UNC5D: variants seen among roughly 807,000 people sequenced by gnomAD.
UNC5D encodes netrin receptor UNC5D.
In UNC5D, 39 loss-of-function variants were observed where a neutral mutation model predicts 105.4. That is an observed-to-expected ratio of 0.37 (90% CI 0.29 to 0.48). The LOEUF is 0.48. Among genes scored for constraint, UNC5D ranks in the 20% least tolerant of loss-of-function variants. UNC5D has a pLI of 0.98. For synonymous variants in UNC5D, 452 were observed against 450.4 expected (o/e 1.00, Z -0.04); for missense variants, 991 against 1,202.4 (o/e 0.82, Z 2.60).
chr8:35,356,084 A>G (rs1288905333), intron 1 of UNC5D, among the ~76,000 whole-genome samples: 1 of 152,090 alleles, frequency 6.6e-6, no homozygotes, highest in East Asian at 1.9e-4. Context: ...ACGCCCGGTT[A>G]TCTTTTCTTT....
At chr8:35,704,112 C>T (rs371815674) in intron 7 of UNC5D, among the ~76,000 whole-genome samples, 11 of 152,084 alleles carry the variant, frequency 7.2e-5, no homozygotes, top group African/African-American at 2.7e-4. Flanking sequence ...AAATTATTAT[C>T]TTTTATAAGG....
At position 35,263,107 on chromosome 8, in the gene UNC5D, CAT is replaced by C. The variant is rs540301315; in HGVS notation, c.103+27223_103+27224del. Among the ~76,000 whole-genome samples the C allele has an allele frequency of 2.2e-4, 33 of 152,260 alleles. 1 individual carries two copies. The South Asian group carries it at 6.8e-3, about 32-fold the overall frequency. Reference sequence around the variant, plus strand: ...AACTTTTCATAGCTCTGCACCTTCACATATTCTTTTTTAAGAGACAAAGTTGC... The same window carrying C: ...AACTTTTCATAGCTCTGCACCTTCACATTCTTTTTTAAGAGACAAAGTTGC... On this transcript the variant is annotated intron_variant, in intron 1 of 16. Coordinates refer to ENST00000404895, the MANE Select transcript of UNC5D (RefSeq NM_080872.4).
At chr8:35,739,076 G>C (rs1432043183) in intron 11 of UNC5D, among the ~76,000 whole-genome samples, 2 of 152,162 alleles carry the variant, frequency 1.3e-5, no homozygotes, top group Admixed American at 6.5e-5. Context: ...ATGCAAGGGG[G>C]AGTAAATTGC....
chr8:35,705,183 C>G (rs1438529768), intron 7 of UNC5D, among the ~76,000 whole-genome samples: 1 of 152,110 alleles, frequency 6.6e-6, no homozygotes, highest in Non-Finnish European at 1.5e-5. Context: ...CCAGGATGGT[C>G]TCGATCTCCT....
At chr8:35,283,019 T>C (rs1806306165) in intron 1 of UNC5D, among the ~76,000 whole-genome samples, 2 of 152,200 alleles carry the variant, frequency 1.3e-5, no homozygotes, top group Admixed American at 6.5e-5. Flanking sequence ...TGGCTAAAAG[T>C]AATAATACCG....
In UNC5D at chr8:35,525,489, C is replaced by T. The variant is rs373836784; in HGVS notation, c.104-23803C>T. The T allele has an allele frequency of 1.4e-5, 22 of 1,612,172 alleles. No individual in the cohort carries two copies. The Admixed American group carries it at 3.5e-4, about 26-fold the overall frequency. On this transcript the variant is annotated intron_variant, in intron 1 of 16. Transcript: ENST00000404895. The stretch of plus-strand genomic sequence containing the variant: ...GCTCAGCTTCTCCTCCTTCTCTGTC[C>T]GTGCTTTGCTGGCAAGCTTACTAAC...
intron 1 of UNC5D, among the ~76,000 whole-genome samples, chr8:35,361,744 T>G (rs144893623): frequency 5.3e-4 from 80 of 152,288 alleles, no homozygotes; most frequent in African/African-American, 1.9e-3. Context: ...TCCACCATTT[T>G]CAATAGTGTG....
intron 1 of UNC5D, among the ~76,000 whole-genome samples, chr8:35,527,218 G>A (rs748320244): frequency 4.6e-5 from 7 of 151,826 alleles, no homozygotes; most frequent in Non-Finnish European, 1.0e-4. Flanking sequence ...TCTGGCCAGT[G>A]CTGTATACAG....
chr8:35,296,273 C>A (rs1019258798), intron 1 of UNC5D, among the ~76,000 whole-genome samples: 1 of 152,206 alleles, frequency 6.6e-6, no homozygotes, highest in Admixed American at 6.5e-5. Context: ...CACATTCCCA[C>A]CAACAGTGTA....
chr8:35,598,448 G>A (rs1286261091), intron 4 of UNC5D, among the ~76,000 whole-genome samples: 1 of 152,152 alleles, frequency 6.6e-6, no homozygotes, highest in Non-Finnish European at 1.5e-5. Context: ...CACTGTTGGT[G>A]GGAATGGAAA....
At chr8:35,653,634 T>G (rs890084174) in intron 4 of UNC5D, among the ~76,000 whole-genome samples, 4 of 152,250 alleles carry the variant, frequency 2.6e-5, no homozygotes, top group African/African-American at 4.8e-5. Context: ...TTGATATTTA[T>G]GTGTCAGTTC....
intron 1 of UNC5D, among the ~76,000 whole-genome samples, chr8:35,370,136 T>A (rs1446951880): frequency 6.6e-6 from 1 of 152,180 alleles, no homozygotes; most frequent in Non-Finnish European, 1.5e-5. Context: ...GTATCTGTGG[T>A]CTTTCAAACT....
intron 1 of UNC5D, among the ~76,000 whole-genome samples, chr8:35,492,616 A>G (rs182241823): frequency 5.9e-5 from 9 of 152,286 alleles, no homozygotes; most frequent in Admixed American, 2.6e-4. Context: ...TATTAAAGTA[A>G]ATATAAGCAC....
intron 1 of UNC5D, among the ~76,000 whole-genome samples, chr8:35,526,878 A>G (rs1180981503): frequency 6.6e-6 from 1 of 151,912 alleles, no homozygotes; most frequent in Non-Finnish European, 1.5e-5. Context: ...CTGTGACTCC[A>G]TCTTCTGCAG....
At chr8:35,512,535 G>GCA (rs1554547740) in intron 1 of UNC5D, among the ~76,000 whole-genome samples, 10 of 33,444 alleles carry the variant, frequency 3.0e-4, no homozygotes, top group African/African-American at 2.2e-4. Context: ...ATTCAGATAT[G>GCA]TATGTATATA....
chr8:35,796,074 T>C lies in UNC5D; in HGVS notation c.*5511T>C, dbSNP rs2131834887. On this transcript the variant is annotated 3_prime_UTR_variant, in exon 17 of 17. Coordinates refer to ENST00000404895, the MANE Select transcript of UNC5D (RefSeq NM_080872.4). ...TCAAGTGATTCACATCTCAAACCCATACCACTCTCAACTTTTATTTGATGT... is the reference window on the plus strand; with the variant it reads ...TCAAGTGATTCACATCTCAAACCCACACCACTCTCAACTTTTATTTGATGT... 6.6e-6 allele frequency: 1 copy of C among 152,210 alleles called. No individual in the cohort carries two copies. The highest frequency in any genetic ancestry group is 1.9e-4 in the East Asian group (1 of 5,168). The allele number at this position is 152,210 out of a possible 1,614,324, so 9.4% of individuals were successfully genotyped here.
At chr8:35,664,530 C>T (rs1322469099) in intron 4 of UNC5D, among the ~76,000 whole-genome samples, 1 of 152,052 alleles carries the variant, frequency 6.6e-6, no homozygotes, top group Non-Finnish European at 1.5e-5. Flanking sequence ...AGCCACATGC[C>T]ACCACGCCCA....
chr8:35,355,059 G>A (rs917567204), intron 1 of UNC5D, among the ~76,000 whole-genome samples: 2 of 152,090 alleles, frequency 1.3e-5, no homozygotes, highest in South Asian at 2.1e-4. Flanking sequence ...CTTGACTGGC[G>A]AATTGGCATG....
At chr8:35,578,578 A>C (rs140671276) in intron 3 of UNC5D, among the ~76,000 whole-genome samples, 5 of 152,326 alleles carry the variant, frequency 3.3e-5, no homozygotes, top group African/African-American at 1.2e-4. Context: ...TGAAGATATA[A>C]TTTGAAACTT....
Sources: gnomAD v4.1 joint callset for allele counts (sites outside exome capture counted in the v4.1 genomes callset) on GRCh38, gnomAD v4.1.1 for gene constraint, MANE v1.5 for transcripts, NCBI Gene and HGNC (gene_info 2026-07-23, HGNC 2026-07-21) for gene names.